CDKL5: variants seen among roughly 807,000 people sequenced by gnomAD.
CDKL5 encodes cyclin-dependent kinase-like 5.
CDKL5 carries 8 observed loss-of-function variants against 61.7 expected under a neutral mutation model. The ratio of observed to expected loss-of-function variants is 0.13; its 90% CI spans 0.08 to 0.23. The LOEUF is 0.23. Among genes scored for constraint, CDKL5 ranks in the 10% least tolerant of loss-of-function variants. CDKL5 has a pLI of 1.00. For synonymous variants in CDKL5, 275 were observed against 272.3 expected (o/e 1.01, Z -0.10); for missense variants, 440 against 734.5 (o/e 0.60, Z 4.63).
intron 3 of CDKL5, among the ~76,000 whole-genome samples, chrX:18,514,002 A>G (rs1285915357): frequency 8.9e-6 from 1 of 111,911 alleles, no homozygotes; most frequent in Non-Finnish European, 1.9e-5. Flanking sequence ...TTTATGCATA[A>G]ATTGGGTATC....
intron 1 of CDKL5, among the ~76,000 whole-genome samples, chrX:18,481,186 C>T (rs1921543107): frequency 9.2e-6 from 1 of 109,140 alleles, no homozygotes; most frequent in African/African-American, 3.3e-5. Context: ...CTTTCTCCTC[C>T]TCCTCCTCCT....
At chrX:18,641,192 T>C (rs750291459), downstream of CDKL5, 3 of 112,063 alleles carry the variant, frequency 2.7e-5, no homozygotes, top group African/African-American at 9.7e-5. Context: ...TACTGTGTTG[T>C]GGTCATTTGG....
intron 3 of CDKL5, among the ~76,000 whole-genome samples, chrX:18,536,432 G>GTTTTTTTT (rs746308567): frequency 7.4e-5 from 3 of 40,554 alleles, no homozygotes; most frequent in African/African-American, 3.1e-4. Context: ...TTCAATACAG[G>GTTTTTTTT]TTTTTTTTTT....
intron 3 of CDKL5, among the ~76,000 whole-genome samples, chrX:18,536,436 T>G (rs978874418): frequency 3.6e-5 from 2 of 55,845 alleles, no homozygotes; most frequent in South Asian, 2.4e-3. Flanking sequence ...ATACAGGTTT[T>G]TTTTTTTTTT....
intron 1 of CDKL5, among the ~76,000 whole-genome samples, chrX:18,441,037 A>C (rs1260362966): frequency 1.8e-5 from 2 of 111,478 alleles, no homozygotes; most frequent in South Asian, 7.5e-4. Context: ...AGAGATGACT[A>C]TGATGACCAC....
At chrX:18,543,549 G>A (rs1924096342) in intron 3 of CDKL5, among the ~76,000 whole-genome samples, 1 of 111,099 alleles carries the variant, frequency 9.0e-6, no homozygotes, top group Non-Finnish European at 1.9e-5. Context: ...TGAGAAGTCT[G>A]TGTGTGCATG....
chrX:18,566,595 A>G (rs1188417537), intron 4 of CDKL5, among the ~76,000 whole-genome samples: 1 of 112,300 alleles, frequency 8.9e-6, no homozygotes, highest in Non-Finnish European at 1.9e-5. Context: ...GTTGAAATTC[A>G]TTGAGCACTG....
intron 10 of CDKL5, among the ~76,000 whole-genome samples, chrX:18,596,730 C>A (rs1411982011): frequency 8.9e-6 from 1 of 112,013 alleles, no homozygotes; most frequent in East Asian, 2.8e-4. Flanking sequence ...GAATTAAATA[C>A]AATTTCATGT....
chrX:18,587,304 C>T (rs1000836880), intron 8 of CDKL5, among the ~76,000 whole-genome samples: 6 of 111,110 alleles, frequency 5.4e-5, no homozygotes, highest in African/African-American at 2.0e-4. Context: ...AACTCACACC[C>T]TAGAAGAAGC....
chrX:18,563,540 T>C (rs1924870397), intron 3 of CDKL5, among the ~76,000 whole-genome samples: 1 of 111,948 alleles, frequency 8.9e-6, no homozygotes, highest in Non-Finnish European at 1.9e-5. Context: ...TTAAGAAGTA[T>C]CTTTTTCCTC....
chrX:18,541,889 T>A (rs1340267120), intron 3 of CDKL5, among the ~76,000 whole-genome samples: 1 of 111,553 alleles, frequency 9.0e-6, no homozygotes, highest in African/African-American at 3.3e-5. Context: ...GGTTCAAGTA[T>A]GCTTGTAATT....
chrX:18,631,339 T>G lies in CDKL5; in HGVS notation c.*2582T>G. 2.7e-6 allele frequency: 2 copies of G among 754,171 alleles called. No individual in the cohort carries two copies. The highest frequency in any genetic ancestry group is 1.6e-6 in the Non-Finnish European group (1 of 638,999). The allele number at this position is 754,171 out of a possible 1,213,427, so 62.2% of individuals were successfully genotyped here. On this transcript the variant is annotated 3_prime_UTR_variant, in exon 18 of 18. Coordinates refer to ENST00000623535, the MANE Select transcript of CDKL5 (RefSeq NM_001323289.2). Reference sequence around the variant, plus strand: ...TAGCTCTTTAATCCTCTTCTCAGCTTTTGTCTGTTCTGACTTTTCATCCAA... The same window carrying G: ...TAGCTCTTTAATCCTCTTCTCAGCTGTTGTCTGTTCTGACTTTTCATCCAA...
chrX:18,591,494 C>G (rs1395470831), intron 9 of CDKL5, among the ~76,000 whole-genome samples: 1 of 110,966 alleles, frequency 9.0e-6, no homozygotes, highest in African/African-American at 3.3e-5. Context: ...CCAAATAGAT[C>G]CCCCGATCTT....
chrX:18,627,718 G>A (rs1338221071), intron 17 of CDKL5: 1 of 107,108 alleles, frequency 9.3e-6, no homozygotes, highest in Admixed American at 1.0e-4. Context: ...AGATAGTTCT[G>A]ATGGGGTTTT....
chrX:18,636,349 TTATTA>T lies in CDKL5; in HGVS notation c.*7594_*7598del, dbSNP rs1927386743. The T allele has an allele frequency of 1.0e-5, 1 of 96,229 alleles. No individual in the cohort carries two copies. Among genetic ancestry groups the T allele is most frequent in the Non-Finnish European group, 2.0e-5 (1 of 51,047 alleles). The allele number at this position is 96,229 out of a possible 1,213,427, so 7.9% of individuals were successfully genotyped here. On this transcript the variant is annotated 3_prime_UTR_variant, in exon 18 of 18. Transcript: ENST00000623535. Reference sequence around the variant, plus strand: ...CAAGTGTTTTGCTTTATTATTATTATTATTATTATTATTATTATTATTATTATTAT... The same window carrying T: ...CAAGTGTTTTGCTTTATTATTATTATTTATTATTATTATTATTATTATTAT...
chrX:18,431,529 C>T (rs1255589621), intron 1 of CDKL5, among the ~76,000 whole-genome samples: 2 of 107,422 alleles, frequency 1.9e-5, no homozygotes, highest in African/African-American at 6.8e-5. Context: ...TCACGCCATT[C>T]TCCTACCTCA....
At chrX:18,550,370 G>A (rs2147121767) in intron 3 of CDKL5, among the ~76,000 whole-genome samples, 1 of 111,656 alleles carries the variant, frequency 9.0e-6, no homozygotes, top group East Asian at 2.8e-4. Context: ...CATCTTGGTA[G>A]AAGCAGGGAG....
chrX:18,640,033 G>A lies in CDKL5; in HGVS notation c.*11276G>A, dbSNP rs1486317397. The A allele has an allele frequency of 9.0e-6, 1 of 111,674 alleles. No individual in the cohort carries two copies. The highest frequency in any genetic ancestry group is 2.8e-4 in the East Asian group (1 of 3,559). 9.2% of individuals were successfully genotyped at this position (111,674 alleles called of 1,213,427 possible). ...GGTTGGGGAGTGTTGGCTGATGGGTGCAGGATTTCTCTTTGGGGTGATAAA... is the reference window on the plus strand; with the variant it reads ...GGTTGGGGAGTGTTGGCTGATGGGTACAGGATTTCTCTTTGGGGTGATAAA... On this transcript the variant is annotated 3_prime_UTR_variant, in exon 18 of 18. Transcript: ENST00000623535.
chrX:18,585,427 A>G (rs1045583782), intron 8 of CDKL5, among the ~76,000 whole-genome samples: 3 of 111,166 alleles, frequency 2.7e-5, no homozygotes, highest in Admixed American at 9.6e-5. Flanking sequence ...AAACAAAAAA[A>G]TGGACCAATT....
Sources: gnomAD v4.1 joint callset for allele counts (sites outside exome capture counted in the v4.1 genomes callset) on GRCh38, gnomAD v4.1.1 for gene constraint, MANE v1.5 for transcripts, NCBI Gene and HGNC (gene_info 2026-07-23, HGNC 2026-07-21) for gene names.